The following PRKN variants were observed in gnomAD, a reference collection of about 807,000 sequenced individuals.
PRKN encodes parkin RBR E3 ubiquitin protein ligase.
PRKN carries 56 observed loss-of-function variants against 59.5 expected under a neutral mutation model. That is an observed-to-expected ratio of 0.94 (90% CI 0.76 to 1.18). PRKN has a LOEUF of 1.18. Among genes scored for constraint, PRKN ranks in the 50% most tolerant of loss-of-function variants. The probability of loss-of-function intolerance (pLI) is 0.00; values close to 1 mark genes in which losing one functional copy is unlikely to be tolerated. For synonymous variants in PRKN, 250 were observed against 222.1 expected (o/e 1.13, Z -1.12); for missense variants, 657 against 596.4 (o/e 1.10, Z -1.06).
intron 7 of PRKN, among the ~76,000 whole-genome samples, chr6:161,645,886 C>T (rs1334916523): frequency 1.3e-5 from 2 of 152,252 alleles, no homozygotes; most frequent in Non-Finnish European, 1.5e-5. Context: ...GCCATGCCAG[C>T]GCAGGTGGCG....
intron 4 of PRKN, among the ~76,000 whole-genome samples, chr6:162,057,199 T>C (rs895952209): frequency 6.6e-6 from 1 of 152,202 alleles, no homozygotes; most frequent in Admixed American, 6.5e-5. Flanking sequence ...TTTCATTTTC[T>C]TTGCACATCC....
chr6:162,186,904 T>C (rs1583170090), intron 4 of PRKN, among the ~76,000 whole-genome samples: 3 of 152,324 alleles, frequency 2.0e-5, no homozygotes, highest in South Asian at 4.1e-4. Flanking sequence ...ATTAAACTCC[T>C]TTTCTTTGAA....
At chr6:162,112,637 C>T (rs950614787) in intron 4 of PRKN, among the ~76,000 whole-genome samples, 27 of 152,098 alleles carry the variant, frequency 1.8e-4, no homozygotes, top group Admixed American at 1.3e-3. Context: ...TGTCCTAGGC[C>T]GGGCGCAGTG....
chr6:161,950,304 G>T (rs1232686585), intron 6 of PRKN, among the ~76,000 whole-genome samples: 2 of 152,120 alleles, frequency 1.3e-5, no homozygotes, highest in African/African-American at 4.8e-5. Flanking sequence ...CAGCACTTTG[G>T]GAGGCCGAGG....
In PRKN at chr6:161,525,983, T is replaced by G. The variant is rs1369146190; in HGVS notation, c.1083+22871A>C. On this transcript the variant is annotated intron_variant, in intron 9 of 11. Transcript: ENST00000366898. The surrounding 1 kb of genome is among the most constrained non-coding windows in gnomAD (Gnocchi z 4.7). ...ATAACAGAAAAGATTAACTGAAAGA[T>G]AGGTTTAAGTTGCCTGTAACCCAAA... 6.6e-6 allele frequency among the ~76,000 whole-genome samples: 1 copy of G among 152,232 alleles called. No homozygotes were observed. Among genetic ancestry groups the G allele is most frequent in the African/African-American group, 2.4e-5 (1 of 41,458 alleles).
chr6:161,822,120 TTCAC>T (rs5881437), intron 6 of PRKN, among the ~76,000 whole-genome samples: 79,131 of 151,432 alleles, frequency 0.52, 20,894 homozygotes, highest in Non-Finnish European at 0.55. Flanking sequence ...TTCTCTAATA[TTCAC>T]TCACTCAGTC....
intron 1 of PRKN, among the ~76,000 whole-genome samples, chr6:162,692,446 G>A (rs1777812343): frequency 6.6e-6 from 1 of 152,154 alleles, no homozygotes; most frequent in Non-Finnish European, 1.5e-5. Context: ...GTGATTTATG[G>A]CAAACACCCG....
At chr6:161,515,365 A>C (rs476105) in intron 9 of PRKN, among the ~76,000 whole-genome samples, 108,342 of 152,140 alleles carry the variant, frequency 0.71, 38,698 homozygotes, top group Middle Eastern at 0.8. Context: ...GTGAGTTTTT[A>C]TCCATGTACA....
chr6:161,989,443 C>T (rs1781560897), intron 5 of PRKN, among the ~76,000 whole-genome samples: 1 of 152,100 alleles, frequency 6.6e-6, no homozygotes, highest in Non-Finnish European at 1.5e-5. Context: ...CCTGTTGCCA[C>T]TGGCAACTGT....
intron 1 of PRKN, among the ~76,000 whole-genome samples, chr6:162,541,410 GC>G (rs1416975587): frequency 6.6e-6 from 1 of 152,220 alleles, no homozygotes; most frequent in Non-Finnish European, 1.5e-5. Flanking sequence ...CCAGGGGCCA[GC>G]AAAGAGGCCA....
At chr6:162,011,205 TATATAATATAG>T (rs1782651661) in intron 5 of PRKN, among the ~76,000 whole-genome samples, 1 of 81,276 alleles carries the variant, frequency 1.2e-5, no homozygotes, top group African/African-American at 4.3e-5. Context: ...TACTATATTA[TATATAATATAG>T]TATATATTTA....
At position 162,294,084 on chromosome 6, in the gene PRKN, G is replaced by A. The variant is rs925578104; in HGVS notation, c.172-31319C>T. On this transcript the variant is annotated intron_variant, in intron 2 of 11. Transcript: ENST00000366898. Reference sequence around the variant, plus strand: ...TAGGGCAGCAGGAGAGATCAGAAGGGGCCATGCAACCCGGCTGAATAGAGA... The same window carrying A: ...TAGGGCAGCAGGAGAGATCAGAAGGAGCCATGCAACCCGGCTGAATAGAGA... 2.0e-5 allele frequency among the ~76,000 whole-genome samples: 3 copies of A among 149,716 alleles called. No individual in the cohort carries two copies. In the Admixed American group the frequency reaches 2.0e-4, roughly 10 times the overall value.
chr6:162,539,006 G>C (rs1205905252), intron 1 of PRKN, among the ~76,000 whole-genome samples: 1 of 152,204 alleles, frequency 6.6e-6, no homozygotes, highest in Non-Finnish European at 1.5e-5. Flanking sequence ...GTGGCGGCCT[G>C]CCAGGTCAAT....
chr6:161,678,216 C>CTTTTTTTT lies in PRKN; in HGVS notation c.871+107548_871+107555dup, dbSNP rs3066554. Among the ~76,000 whole-genome samples, 273 of 64,942 alleles carry CTTTTTTTT rather than the reference C, an allele frequency of 4.2e-3. 43 individuals are homozygous for CTTTTTTTT. Among genetic ancestry groups the CTTTTTTTT allele is most frequent in the African/African-American group, 0.014 (173 of 12,688 alleles). The allele number at this position is 64,942 out of a possible 152,430, so 42.6% of individuals were successfully genotyped here. ...TTATGGTAATAACAATACTGAATCACTTTTTTTTTTTTTTTTTTTTTTTTT... is the reference window on the plus strand; with the variant it reads ...TTATGGTAATAACAATACTGAATCACTTTTTTTTTTTTTTTTTTTTTTTTTTTTTTTTT... On this transcript the variant is annotated intron_variant, in intron 7 of 11. Coordinates refer to ENST00000366898, the MANE Select transcript of PRKN (RefSeq NM_004562.3).
At chr6:162,035,380 T>C (rs1272828121) in intron 5 of PRKN, among the ~76,000 whole-genome samples, 1 of 152,142 alleles carries the variant, frequency 6.6e-6, no homozygotes, top group Non-Finnish European at 1.5e-5. Context: ...CCAAACTGTA[T>C]CAACTAAAGA....
intron 1 of PRKN, among the ~76,000 whole-genome samples, chr6:162,469,246 G>A (rs1263318156): frequency 2.0e-5 from 3 of 151,016 alleles, no homozygotes; most frequent in Admixed American, 6.6e-5. Flanking sequence ...CAGAGGAGGC[G>A]GTCGAGATGG....
At chr6:162,567,712 T>G (rs1358302683) in intron 1 of PRKN, among the ~76,000 whole-genome samples, 1 of 152,164 alleles carries the variant, frequency 6.6e-6, no homozygotes, top group Non-Finnish European at 1.5e-5. Flanking sequence ...ACAGTTTCAG[T>G]GCAATCTCTA....
rs530888572 is a variant in PRKN at position 162,151,191 on chromosome 6, GT to G, written c.534+49939del. The stretch of plus-strand genomic sequence containing the variant: ...GTCTTGAATTTTCAAGAAACAGAAT[GT>G]GCTCTCCACACTCGTAAGTGGGTCA... On this transcript the variant is annotated intron_variant, in intron 4 of 11. Coordinates refer to ENST00000366898, the MANE Select transcript of PRKN (RefSeq NM_004562.3). 7.2e-5 allele frequency among the ~76,000 whole-genome samples: 11 copies of G among 152,280 alleles called. No individual in the cohort carries two copies. In the South Asian group the frequency reaches 2.1e-3, roughly 29 times the overall value.
chr6:162,109,653 G>A (rs745601892), intron 4 of PRKN, among the ~76,000 whole-genome samples: 3 of 152,170 alleles, frequency 2.0e-5, no homozygotes, highest in Admixed American at 2.0e-4. Context: ...GTTACAGTGT[G>A]CACTCCTCTG....
Sources: allele counts gnomAD v4.1 joint callset (sites outside exome capture counted in the v4.1 genomes callset), GRCh38; gene constraint gnomAD v4.1.1; non-coding constraint Gnocchi (gnomAD v3.1); transcripts MANE v1.5; gene names NCBI Gene and HGNC (gene_info 2026-07-23, HGNC 2026-07-21).